DNAH11: variants seen among roughly 807,000 people sequenced by gnomAD.
DNAH11 encodes dynein axonemal heavy chain 11.
Under a neutral mutation model 526.0 loss-of-function variants are expected in DNAH11, and 442 were observed. The observed-to-expected ratio is 0.84, with a 90% CI of 0.78 to 0.91. The LOEUF is 0.91. DNAH11 is among the 40% of genes least tolerant of loss of function. The pLI is 0.00. For synonymous variants in DNAH11, 2,461 were observed against 1,935.9 expected (o/e 1.27, Z -7.12); for missense variants, 6,989 against 5,448.7 (o/e 1.28, Z -8.90).
chr7:21,554,474 C>T (rs1004285540), intron 2 of DNAH11, among the ~76,000 whole-genome samples: 6 of 151,942 alleles, frequency 3.9e-5, no homozygotes, highest in African/African-American at 1.4e-4. Flanking sequence ...GCACCTGGCC[C>T]CTTGGGATCA....
intron 77 of DNAH11, among the ~76,000 whole-genome samples, chr7:21,894,219 T>C (rs548531968): frequency 5.9e-5 from 9 of 152,262 alleles, no homozygotes; most frequent in Non-Finnish European, 1.0e-4. Flanking sequence ...AAAGGATCTT[T>C]TTAATTTAGC....
At chr7:21,825,852 G>A (rs796936099) in intron 65 of DNAH11, among the ~76,000 whole-genome samples, 34 of 151,970 alleles carry the variant, frequency 2.2e-4, no homozygotes, top group African/African-American at 6.0e-4. Flanking sequence ...CCAGCTACTC[G>A]GGAGGCTGAG....
intron 2 of DNAH11, among the ~76,000 whole-genome samples, chr7:21,552,813 G>C (rs1217962254): frequency 6.6e-6 from 1 of 152,148 alleles, no homozygotes; most frequent in African/African-American, 2.4e-5. Context: ...ACATCTTTTA[G>C]ATCCACCACA....
intron 68 of DNAH11, among the ~76,000 whole-genome samples, chr7:21,854,972 T>G (rs959098346): frequency 1.3e-5 from 2 of 151,808 alleles, no homozygotes; most frequent in Non-Finnish European, 2.9e-5. Context: ...TTGAGGTAAT[T>G]AAACTGTGCA....
At chr7:21,579,869 A>G (rs1030006496) in intron 8 of DNAH11, among the ~76,000 whole-genome samples, 1 of 152,206 alleles carries the variant, frequency 6.6e-6, no homozygotes, top group Non-Finnish European at 1.5e-5. Flanking sequence ...ATTAACAGAT[A>G]CCCAGATGAG....
At chr7:21,724,359 A>C (rs1784992389) in intron 44 of DNAH11, among the ~76,000 whole-genome samples, 1 of 152,214 alleles carries the variant, frequency 6.6e-6, no homozygotes. Flanking sequence ...TGGTGGGGCA[A>C]GCTCTCCCTG....
intron 25 of DNAH11, among the ~76,000 whole-genome samples, chr7:21,626,705 G>T (rs1786352619): frequency 6.9e-6 from 1 of 143,926 alleles, no homozygotes; most frequent in South Asian, 2.3e-4. Context: ...GATTAGTGAT[G>T]TTGAGCATTT....
chr7:21,891,645 G>A (rs546445739), intron 76 of DNAH11, among the ~76,000 whole-genome samples: 3 of 152,192 alleles, frequency 2.0e-5, no homozygotes, highest in Admixed American at 2.0e-4. Flanking sequence ...TAAATTGAAT[G>A]TCTACCCTCT....
intron 46 of DNAH11, among the ~76,000 whole-genome samples, chr7:21,737,118 A>G (rs1400679067): frequency 3.3e-5 from 5 of 152,202 alleles, no homozygotes; most frequent in Non-Finnish European, 7.4e-5. Context: ...GAGAATTATG[A>G]TTTCAAACAT....
At chr7:21,644,438 G>T (rs142014050) in intron 28 of DNAH11, among the ~76,000 whole-genome samples, 1 of 152,144 alleles carries the variant, frequency 6.6e-6, no homozygotes, top group Non-Finnish European at 1.5e-5. Context: ...GACTCAATAC[G>T]TGCATGGTAA....
In DNAH11 at chr7:21,749,697, A is replaced by G. The variant is rs921681317; in HGVS notation, c.8693A>G (p.Tyr2898Cys). ...TTACAGGTAGATCTTGCCAATTTGT[A>G]CATCCGAACTGGAGCCAAGAACATG... Reference protein sequence around the residue: ...QELRVDLANLYIRTGAKNMPT... With the variant: ...QELRVDLANLCIRTGAKNMPT... Residue 2898 changes from tyrosine to cysteine, a missense_variant, in exon 53 of 82, where the codon TAC becomes TGC. Coordinates refer to ENST00000409508, the MANE Select transcript of DNAH11 (RefSeq NM_001277115.2). The G allele has an allele frequency of 1.2e-6, 2 of 1,613,900 alleles. No individual in the cohort carries two copies. The highest frequency in any genetic ancestry group is 1.1e-5 in the South Asian group (1 of 91,078).
intron 40 of DNAH11, among the ~76,000 whole-genome samples, chr7:21,708,155 C>A (rs1320756368): frequency 6.6e-6 from 1 of 152,162 alleles, no homozygotes; most frequent in African/African-American, 2.4e-5. Context: ...ATATGAGGCA[C>A]TGAAGTTCAG....
intron 2 of DNAH11, among the ~76,000 whole-genome samples, chr7:21,551,910 T>C (rs753088607): frequency 1.3e-5 from 2 of 152,200 alleles, no homozygotes; most frequent in Non-Finnish European, 2.9e-5. Context: ...AGTCTGAGAA[T>C]CTGTTAACTA....
chr7:21,562,737 A>T (rs1181457017), intron 5 of DNAH11, among the ~76,000 whole-genome samples: 4 of 152,182 alleles, frequency 2.6e-5, no homozygotes, highest in Admixed American at 2.6e-4. Context: ...TATAATTTTG[A>T]CATAAACATT....
At chr7:21,870,264 T>A (rs1349874500) in intron 73 of DNAH11, among the ~76,000 whole-genome samples, 1 of 152,156 alleles carries the variant, frequency 6.6e-6, no homozygotes. Context: ...CCTCCCTTAG[T>A]GTCTCCAGTA....
chr7:21,819,204 C>T (rs7796130), intron 65 of DNAH11, among the ~76,000 whole-genome samples: 1,970 of 152,138 alleles, frequency 0.013, 48 homozygotes, highest in African/African-American at 0.045. Context: ...AGAACTTCCC[C>T]CACCCTGTTC....
intron 70 of DNAH11, among the ~76,000 whole-genome samples, chr7:21,865,518 A>G (rs1048785120): frequency 3.3e-5 from 5 of 152,176 alleles, no homozygotes; most frequent in Non-Finnish European, 5.9e-5. Flanking sequence ...GGAAGGAAAA[A>G]GGAGGAAAAG....
intron 57 of DNAH11, among the ~76,000 whole-genome samples, chr7:21,783,491 A>G (rs1231348141): frequency 6.6e-6 from 1 of 152,192 alleles, no homozygotes; most frequent in Non-Finnish European, 1.5e-5. Context: ...CACAATCACC[A>G]TCACCACGGG....
chr7:21,636,028 C>G lies in DNAH11; in HGVS notation c.4658C>G (p.Ser1553Ter), dbSNP rs1786848141. ...WSHLESIFVC[S>*]EDIRIQLVKD... ...CACCTGGAAAGCATTTTTGTCTGTT[C>G]AGAAGATATTCGAATCCAGCTTGTG... Residue 1553 changes from serine (S) to a stop codon, truncating the protein, a stop_gained, in exon 26 of 82, where the codon TCA (serine) becomes TGA (stop). Coordinates refer to ENST00000409508, the MANE Select transcript of DNAH11 (RefSeq NM_001277115.2). LOFTEE classifies it high-confidence loss of function. 5 of 1,613,620 alleles carry G rather than the reference C, an allele frequency of 3.1e-6. No homozygotes were observed. Among genetic ancestry groups the G allele is most frequent in the Non-Finnish European group, 4.2e-6 (5 of 1,179,740 alleles).
Sources: gnomAD v4.1 joint callset for allele counts (sites outside exome capture counted in the v4.1 genomes callset) on GRCh38, gnomAD v4.1.1 for gene constraint, MANE v1.5 for transcripts, NCBI Gene and HGNC (gene_info 2026-07-23, HGNC 2026-07-21) for gene names.